Variants in CRMP1 observed in about 807,000 individuals in gnomAD.
CRMP1 encodes the protein collapsin response mediator protein 1, also known as dihydropyrimidinase-related protein 1.
Under a neutral mutation model 68.3 loss-of-function variants are expected in CRMP1, and 19 were observed. The observed-to-expected ratio is 0.28, with a 90% CI of 0.19 to 0.41. CRMP1 has a LOEUF of 0.41. Among genes scored for constraint, CRMP1 ranks in the 10% least tolerant of loss-of-function variants. CRMP1 has a pLI of 1.00. For missense variants in CRMP1, 791 were observed against 967.4 expected (o/e 0.82, Z 2.42); for synonymous variants, 439 against 399.6 (o/e 1.10, Z -1.18).
At position 5,886,964 on chromosome 4, in the gene CRMP1, T is replaced by C. The variant is rs1715636736; in HGVS notation, c.381+5625A>G. Among the ~76,000 whole-genome samples the C allele has an allele frequency of 2.6e-5, 4 of 152,138 alleles. No individual in the cohort carries two copies. In the South Asian group the frequency reaches 8.3e-4, roughly 32 times the overall value. On this transcript the variant is annotated intron_variant, in intron 1 of 13. Coordinates refer to ENST00000324989, the MANE Select transcript of CRMP1 (RefSeq NM_001014809.3). ...TTGGCAGAGGCCTGCTGACAAGAGC[T>C]GAGGCTGGGCCCAGGAGGAATTTTC...
At chr4:5,867,694 T>C (rs1294390269) in intron 1 of CRMP1, among the ~76,000 whole-genome samples, 1 of 151,968 alleles carries the variant, frequency 6.6e-6, no homozygotes, top group African/African-American at 2.4e-5. Flanking sequence ...TATCAAGTCA[T>C]GGGGTATGTG....
At chr4:5,887,807 G>T (rs1715702077) in intron 1 of CRMP1, 1 of 992,882 alleles carries the variant, frequency 1.0e-6, no homozygotes, top group East Asian at 1.1e-4. Flanking sequence ...CGGGCTGTGG[G>T]GTGCATGGGC....
chr4:5,856,399 T>C (rs868179253), intron 3 of CRMP1, 92 bp from the exon 4 acceptor site: 56 of 1,077,438 alleles, frequency 5.2e-5, no homozygotes, highest in African/African-American at 6.5e-5. Flanking sequence ...TCACCATCAT[T>C]ACCATCACCA....
intron 11 of CRMP1, among the ~76,000 whole-genome samples, chr4:5,832,756 A>T (rs917299567): frequency 1.2e-4 from 19 of 152,286 alleles, no homozygotes; most frequent in African/African-American, 4.6e-4. Flanking sequence ...TACCCTGAAG[A>T]CAGTTACCTC....
At chr4:5,847,821 A>T (rs560734305) in intron 6 of CRMP1, among the ~76,000 whole-genome samples, 77 of 152,324 alleles carry the variant, frequency 5.1e-4, no homozygotes, top group Non-Finnish European at 9.1e-4. Context: ...AAATGGGAAT[A>T]ATTATATCTA....
rs776637871 is a variant in CRMP1 at position 5,855,111 on chromosome 4, C to T, written c.820+1032G>A. On this transcript the variant is annotated intron_variant, in intron 4 of 13. Coordinates refer to ENST00000324989, the MANE Select transcript of CRMP1 (RefSeq NM_001014809.3). This position sits in a 1 kb window ranked among gnomAD's most constrained non-coding sequence, Gnocchi z 4.9. ...GTTAAGTGAAAAAAGAAGGGTTCCACATAACAGCTATTGCACAACCACATA... is the reference window on the plus strand; with the variant it reads ...GTTAAGTGAAAAAAGAAGGGTTCCATATAACAGCTATTGCACAACCACATA... 3.9e-5 allele frequency among the ~76,000 whole-genome samples: 6 copies of T among 152,156 alleles called. No homozygotes were observed. Among genetic ancestry groups the T allele is most frequent in the Non-Finnish European group, 8.8e-5 (6 of 68,024 alleles).
At chr4:5,887,359 G>T (rs191591271) in intron 1 of CRMP1, 4 of 985,516 alleles carry the variant, frequency 4.1e-6, no homozygotes, top group Non-Finnish European at 4.8e-6. Flanking sequence ...CCAGAATCCC[G>T]CCTCCCGGCC....
chr4:5,834,713 AAAT>A lies in CRMP1; in HGVS notation c.1623+1199_1623+1201del, dbSNP rs892425157. ...GTACACACGTGAAATAATTCATAAT[AAAT>A]AATAGAATTGCAAGCCCTGCTGGAC... On this transcript the variant is annotated intron_variant, in intron 11 of 13. Coordinates refer to ENST00000324989, the MANE Select transcript of CRMP1 (RefSeq NM_001014809.3). This position sits in a 1 kb window ranked among gnomAD's most constrained non-coding sequence, Gnocchi z 4.3. Among the ~76,000 whole-genome samples the A allele has an allele frequency of 4.6e-5, 7 of 152,216 alleles. No homozygotes were observed. Among genetic ancestry groups the A allele is most frequent in the African/African-American group, 1.7e-4 (7 of 41,442 alleles).
At chr4:5,824,319 G>T in intron 13 of CRMP1, 1 of 985,292 alleles carries the variant, frequency 1.0e-6, no homozygotes, top group Non-Finnish European at 1.2e-6. Flanking sequence ...TCCATTTTGT[G>T]CAAAAATATG....
At chr4:5,824,496 C>T (rs1438218439) in intron 13 of CRMP1, 1 of 985,212 alleles carries the variant, frequency 1.0e-6, no homozygotes, top group Non-Finnish European at 1.2e-6. Context: ...CTCTCTCTCT[C>T]TCTCTTTGCC....
At chr4:5,839,245 G>A (rs1711516022) in intron 9 of CRMP1, among the ~76,000 whole-genome samples, 1 of 152,218 alleles carries the variant, frequency 6.6e-6, no homozygotes, top group South Asian at 2.1e-4. Flanking sequence ...AGTGCTTCCC[G>A]ATACACCATG....
At position 5,892,133 on chromosome 4, in the gene CRMP1, C is replaced by T. The variant is rs79391780; in HGVS notation, c.381+456G>A. Among the ~76,000 whole-genome samples the T allele has an allele frequency of 6.3e-3, 961 of 152,328 alleles. 10 individuals carry two copies. Among genetic ancestry groups the T allele is most frequent in the African/African-American group, 0.018 (750 of 41,580 alleles). The stretch of plus-strand genomic sequence containing the variant: ...GCGACTCGCGGAACCTCTCCCGGGG[C>T]CCGGCACACAGTAGGTGCTCTATAA... On this transcript the variant is annotated intron_variant, in intron 1 of 13. Coordinates refer to ENST00000324989, the MANE Select transcript of CRMP1 (RefSeq NM_001014809.3). This position sits in a 1 kb window ranked among gnomAD's most constrained non-coding sequence, Gnocchi z 8.6.
In CRMP1 at chr4:5,889,365, C is replaced by T. The variant is rs1046339261; in HGVS notation, c.381+3224G>A. 6.6e-6 allele frequency among the ~76,000 whole-genome samples: 1 copy of T among 152,186 alleles called. No individual in the cohort carries two copies. The highest frequency in any genetic ancestry group is 1.5e-5 in the Non-Finnish European group (1 of 68,042). ...GCTGGGCCACTGGCACCAAGGTCTCCACAGCCCTGGGGACAAGCTGGGGGT... is the reference window on the plus strand; with the variant it reads ...GCTGGGCCACTGGCACCAAGGTCTCTACAGCCCTGGGGACAAGCTGGGGGT... On this transcript the variant is annotated intron_variant, in intron 1 of 13. Coordinates refer to ENST00000324989, the MANE Select transcript of CRMP1 (RefSeq NM_001014809.3). The surrounding 1 kb of genome is among the most constrained non-coding windows in gnomAD (Gnocchi z 4.5).
In CRMP1 at chr4:5,872,580, G is replaced by A. The variant is rs999399003; in HGVS notation, c.382-5824C>T. Among the ~76,000 whole-genome samples, 15 of 152,112 alleles carry A rather than the reference G, an allele frequency of 9.9e-5. No individual in the cohort carries two copies. Among genetic ancestry groups the A allele is most frequent in the Non-Finnish European group, 1.9e-4 (13 of 68,018 alleles). On this transcript the variant is annotated intron_variant, in intron 1 of 13. Coordinates refer to ENST00000324989, the MANE Select transcript of CRMP1 (RefSeq NM_001014809.3). This position sits in a 1 kb window ranked among gnomAD's most constrained non-coding sequence, Gnocchi z 4.6. ...CAGGCACCTGTAATCCCAGCTACTC[G>A]GGAGGCTGAGGCAGGAGAATCACTT...
At chr4:5,884,907 C>T (rs1715471103) in intron 1 of CRMP1, among the ~76,000 whole-genome samples, 1 of 151,396 alleles carries the variant, frequency 6.6e-6, no homozygotes, top group Non-Finnish European at 1.5e-5. Context: ...CTCAGAGCCA[C>T]ACCCAGGATG....
At chr4:5,822,386 A>C (rs893163276) in intron 13 of CRMP1, among the ~76,000 whole-genome samples, 1 of 151,280 alleles carries the variant, frequency 6.6e-6, no homozygotes, top group East Asian at 2.0e-4. Flanking sequence ...GGTATTTTAC[A>C]TATTGTGTGT....
At chr4:5,844,480 G>A (rs1712035026) in intron 6 of CRMP1, among the ~76,000 whole-genome samples, 1 of 152,102 alleles carries the variant, frequency 6.6e-6, no homozygotes, top group Admixed American at 6.6e-5. Context: ...GACGAGAGTA[G>A]GATTTCTAGT....
In CRMP1 at chr4:5,889,974, T is replaced by C; in HGVS notation, c.381+2615A>G. ...CAGAGGTAAAATGATGTACCCCGGG[T>C]GCAAAACATATTAGCTGCAGCAAAG... On this transcript the variant is annotated intron_variant, in intron 1 of 13. Coordinates refer to ENST00000324989, the MANE Select transcript of CRMP1 (RefSeq NM_001014809.3). This position sits in a 1 kb window ranked among gnomAD's most constrained non-coding sequence, Gnocchi z 4.5. 1 of 1,233,528 alleles carries C rather than the reference T, an allele frequency of 8.1e-7. No homozygotes were observed. Among genetic ancestry groups the C allele is most frequent in the East Asian group, 3.6e-5 (1 of 27,702 alleles). The allele number at this position is 1,233,528 out of a possible 1,614,324, so 76.4% of individuals were successfully genotyped here. A position where few individuals can be genotyped will look rare whatever the true frequency, so the allele number is the denominator to read the frequency against.
At chr4:5,837,983 G>T (rs1720842353) in intron 9 of CRMP1, among the ~76,000 whole-genome samples, 1 of 152,160 alleles carries the variant, frequency 6.6e-6, no homozygotes, top group South Asian at 2.1e-4. Context: ...GAGGCGAATG[G>T]GGCACATGGG....
Sources: gnomAD v4.1 joint callset for allele counts (sites outside exome capture counted in the v4.1 genomes callset) on GRCh38, gnomAD v4.1.1 for gene constraint, Gnocchi (gnomAD v3.1) non-coding constraint, MANE v1.5 for transcripts, NCBI Gene and HGNC (gene_info 2026-07-23, HGNC 2026-07-21) for gene names.